Variants in ABI3BP observed in about 807,000 individuals in gnomAD.
ABI3BP encodes the protein target of Nesh-SH3.
In ABI3BP, 216 loss-of-function variants were observed where a neutral mutation model predicts 268.6. The ratio of observed to expected loss-of-function variants is 0.80; its 90% confidence interval spans 0.72 to 0.90. The LOEUF (loss-of-function observed/expected upper bound fraction) is 0.90. ABI3BP is among the 40% of genes least tolerant of loss of function. ABI3BP has a pLI of 0.00. For synonymous variants in ABI3BP, 730 were observed against 730.0 expected (o/e 1.00, Z 0.00); for missense variants, 2,090 against 2,182.4 (o/e 0.96, Z 0.84).
chr3:100,822,737 G>C, intron 37 of ABI3BP, 65 bp from the exon 38 acceptor site: 1 of 1,438,146 alleles, frequency 7.0e-7, no homozygotes. Flanking sequence ...AGCTGTGTGA[G>C]GTAAAAAAAC....
chr3:100,875,067 T>G, intron 8 of ABI3BP, 134 bp from the exon 9 acceptor site: 1 of 534,852 alleles, frequency 1.9e-6, no homozygotes, highest in Non-Finnish European at 3.3e-6. Context: ...ACCCAAACTT[T>G]AAAACATTGG....
chr3:100,862,190 TA>T, intron 14 of ABI3BP, 120 bp downstream of exon 14: 1 of 720,566 alleles, frequency 1.4e-6, no homozygotes, highest in Admixed American at 3.3e-5. Context: ...TCAACAAATG[TA>T]TGATAGATTT....
At chr3:100,838,544 G>C (rs1037955783) in intron 24 of ABI3BP, 80 bp from the exon 25 acceptor site, 35 of 1,172,058 alleles carry the variant, frequency 3.0e-5, no homozygotes, top group African/African-American at 4.6e-5. Context: ...GCAGAACAAA[G>C]ACACTATATA....
At chr3:100,913,950 T>G (rs1428987276) in intron 2 of ABI3BP, among the ~76,000 whole-genome samples, 1 of 152,110 alleles carries the variant, frequency 6.6e-6, no homozygotes, top group Non-Finnish European at 1.5e-5. Context: ...CTGAAAGAAT[T>G]AATGAATCTG....
chr3:100,862,690 A>G (rs2099011239), intron 13 of ABI3BP, 148 bp downstream of exon 13: 1 of 630,400 alleles, frequency 1.6e-6, no homozygotes, highest in Non-Finnish European at 2.6e-6. Context: ...ATCCAAATAG[A>G]TTTATTAAAA....
At chr3:100,835,491 G>T in intron 28 of ABI3BP, 110 bp downstream of exon 28, 1 of 783,264 alleles carries the variant, frequency 1.3e-6, no homozygotes, top group Non-Finnish European at 2.0e-6. Flanking sequence ...AATGACAAGA[G>T]GATGATGAGA....
At chr3:100,841,943 AC>A (rs2098710870) in intron 21 of ABI3BP, 54 bp downstream of exon 21, 1 of 1,328,788 alleles carries the variant, frequency 7.5e-7, no homozygotes, top group African/African-American at 1.5e-5. Context: ...ACAAAGTTGA[AC>A]ATGGAGAGTG....
chr3:100,935,364 T>G (rs111655305), intron 1 of ABI3BP, among the ~76,000 whole-genome samples: 1 of 152,154 alleles, frequency 6.6e-6, no homozygotes, highest in East Asian at 1.9e-4. Flanking sequence ...AGTACCATGA[T>G]GTTTTTGTTA....
chr3:100,958,817 C>A (rs7641631), intron 1 of ABI3BP, among the ~76,000 whole-genome samples: 1 of 152,084 alleles, frequency 6.6e-6, no homozygotes. Context: ...GACTATCATT[C>A]GAATACAGAA....
chr3:100,762,734 A>G (rs2096043770), intron 63 of ABI3BP, among the ~76,000 whole-genome samples: 1 of 152,212 alleles, frequency 6.6e-6, no homozygotes, highest in Non-Finnish European at 1.5e-5. Flanking sequence ...ATACCTGGTA[A>G]AAGAGATGTG....
At chr3:100,808,960 G>A (rs2097780681) in intron 49 of ABI3BP, among the ~76,000 whole-genome samples, 1 of 151,986 alleles carries the variant, frequency 6.6e-6, no homozygotes, top group Non-Finnish European at 1.5e-5. Flanking sequence ...GATAAAGAAA[G>A]GTAAGAAGAA....
chr3:100,750,411 A>G lies in ABI3BP; in HGVS notation c.*84T>C. ...TTGTAGACTTTTATACATAGTAAAC[A>G]AAATAGCTTTAAATGAATGCGGCAT... is the stretch of plus-strand genomic sequence containing the variant. On this transcript the variant is annotated 3_prime_UTR_variant, in exon 68 of 68. Transcript: ENST00000471714. 1 of 1,086,256 alleles carries G rather than the reference A, an allele frequency of 9.2e-7. No individual in the cohort carries two copies. Among genetic ancestry groups the G allele is most frequent in the Non-Finnish European group, 1.4e-6 (1 of 731,636 alleles). 67.3% of individuals were successfully genotyped at this position (1,086,256 alleles called of 1,614,324 possible). A position where few individuals can be genotyped will look rare whatever the true frequency, so the allele number is the denominator to read the frequency against.
chr3:100,749,656 C>T lies in ABI3BP; in HGVS notation c.*839G>A, dbSNP rs1048364. On this transcript the variant is annotated 3_prime_UTR_variant, in exon 68 of 68. Transcript: ENST00000471714. ...CCTATAAAATGGTAGGCAATCTCAT[C>T]GTGCATTATCTTTTTGTGCTCAGAC... The T allele has an allele frequency of 0.28, 110,131 of 398,228 alleles. 16,783 individuals carry two copies. The highest frequency in any genetic ancestry group is 0.51 in the East Asian group (14,178 of 27,936). 24.7% of individuals were successfully genotyped at this position (398,228 alleles called of 1,614,324 possible). A position where few individuals can be genotyped will look rare whatever the true frequency, so the allele number is the denominator to read the frequency against.
intron 1 of ABI3BP, among the ~76,000 whole-genome samples, chr3:100,936,520 T>C (rs925540329): frequency 1.3e-5 from 2 of 152,202 alleles, no homozygotes; most frequent in African/African-American, 4.8e-5. Context: ...TCCCTCTTTT[T>C]TTATTGTTTT....
chr3:100,851,959 G>T lies in ABI3BP; in HGVS notation c.1286-19C>A. ...TAAGTTGCTTAAAAAAAAAAAAAAG[G>T]CAAAACAAGAGAGATGTTAATTTTG... On this transcript the variant is annotated intron_variant, in intron 14 of 67. Transcript: ENST00000471714. 9.1e-7 allele frequency: 1 copy of T among 1,095,866 alleles called. No homozygotes were observed. Among genetic ancestry groups the T allele is most frequent in the Non-Finnish European group, 1.3e-6 (1 of 766,856 alleles). The allele number at this position is 1,095,866 out of a possible 1,614,324, so 67.9% of individuals were successfully genotyped here. A position where few individuals can be genotyped will look rare whatever the true frequency, so the allele number is the denominator to read the frequency against.
Position 100,822,692 on chromosome 3 carries a change from G to A in ABI3BP, c.2804-20C>T. The A allele has an allele frequency of 6.5e-7, 1 of 1,531,822 alleles. No individual in the cohort carries two copies. Among genetic ancestry groups the A allele is most frequent in the South Asian group, 1.2e-5 (1 of 83,942 alleles). The allele number at this position is 1,531,822 out of a possible 1,614,324, so 94.9% of individuals were successfully genotyped here. A position where few individuals can be genotyped will look rare whatever the true frequency, so the allele number is the denominator to read the frequency against. ...TGGAAGCTGAAGGAAGAAGTTCTTG[G>A]GTTACAACATAACTGCATTATCTAT... On this transcript the variant is annotated intron_variant, in intron 37 of 67. Coordinates refer to ENST00000471714, the MANE Select transcript of ABI3BP (RefSeq NM_001375547.2).
rs2098843755 is a variant in ABI3BP, at chr3:100,851,861, G to A, written c.1351+14C>T. The A allele has an allele frequency of 1.9e-6, 3 of 1,572,574 alleles. No individual in the cohort carries two copies. In the African/African-American group the frequency reaches 4.1e-5, roughly 22 times the overall value. On this transcript the variant is annotated intron_variant, in intron 15 of 67. Transcript: ENST00000471714. ...ACCTGGGATCCAAAGACAGAATTGA[G>A]AGGCCAGATATACCTGTGTAGGAAT...
intron 1 of ABI3BP, among the ~76,000 whole-genome samples, chr3:100,970,463 G>A (rs1238185047): frequency 3.3e-5 from 5 of 152,186 alleles, no homozygotes; most frequent in East Asian, 1.9e-4. Flanking sequence ...ATAATGTGAC[G>A]TATAGAGACA....
At chr3:100,852,724 G>A (rs1194953876) in intron 14 of ABI3BP, among the ~76,000 whole-genome samples, 1 of 152,180 alleles carries the variant, frequency 6.6e-6, no homozygotes, top group East Asian at 1.9e-4. Flanking sequence ...ACAGCCATGA[G>A]CCTTTCTCGA....
Sources: allele counts gnomAD v4.1 joint callset (sites outside exome capture counted in the v4.1 genomes callset), GRCh38; gene constraint gnomAD v4.1.1; transcripts MANE v1.5; gene names NCBI Gene and HGNC (gene_info 2026-07-23, HGNC 2026-07-21).